The following SCEL variants were observed in gnomAD, a reference collection of about 807,000 sequenced individuals.
The protein encoded by SCEL is sciellin.
Under a neutral mutation model 117.6 loss-of-function variants are expected in SCEL, and 113 were observed. The observed-to-expected ratio is 0.96, with a 90% confidence interval of 0.83 to 1.12. The LOEUF is 1.12. SCEL is among the 50% of genes most tolerant of loss of function. The pLI, the probability that SCEL is intolerant of heterozygous loss-of-function variation, is 0.00. For synonymous variants in SCEL, 270 were observed against 256.2 expected (o/e 1.05, Z -0.51); for missense variants, 785 against 810.8 (o/e 0.97, Z 0.39).
intron 9 of SCEL, among the ~76,000 whole-genome samples, chr13:77,579,955 A>G (rs1272304099): frequency 6.6e-6 from 1 of 152,238 alleles, no homozygotes; most frequent in African/African-American, 2.4e-5. Context: ...TCCATGGGAC[A>G]TTCTCTGCAT....
chr13:77,547,941 C>G (rs535100563), intron 1 of SCEL, among the ~76,000 whole-genome samples: 1 of 152,280 alleles, frequency 6.6e-6, no homozygotes, highest in African/African-American at 2.4e-5. Flanking sequence ...CACTTTCTTT[C>G]CCTGGGACTT....
rs200836262 is a variant in SCEL, at chr13:77,556,626, G to A, written c.74G>A (p.Arg25Gln). The A allele has an allele frequency of 1.1e-5, 17 of 1,613,828 alleles. No individual in the cohort carries two copies. The Admixed American group carries it at 1.7e-4, about 16-fold the overall frequency. The change falls in exon 3 of 33, where the codon CGG becomes CAG. Residue 25 changes from arginine to glutamine, a missense_variant. By Grantham distance (43) the Arg-to-Gln change is conservative. Coordinates refer to ENST00000349847, the MANE Select transcript of SCEL (RefSeq NM_144777.3). ...AAGAGCACCACTCAGGGAACCACACGGAAGCAGCAGGATTTTCACGAGGTG... is the reference window on the plus strand; with the variant it reads ...AAGAGCACCACTCAGGGAACCACACAGAAGCAGCAGGATTTTCACGAGGTG... ...EMKSTTQGTT[R>Q]KQQDFHEVNK...
At position 77,599,729 on chromosome 13, in the gene SCEL, A is replaced by G; in HGVS notation, c.898A>G (p.Thr300Ala). The G allele has an allele frequency of 6.2e-7, 1 of 1,611,246 alleles. No homozygotes were observed. The highest frequency in any genetic ancestry group is 1.1e-5 in the South Asian group (1 of 91,024). The change falls in exon 15 of 33, where the codon ACA (threonine) becomes GCA (alanine). Residue 300 changes from threonine (T) to alanine (A), a missense_variant. Physicochemically the swap from Thr to Ala is moderately conservative, Grantham distance 58. Transcript: ENST00000349847. ...AAGTCTCATCTATATGAGTACCCGG[A>G]CAGATAAAGATGGCAAAGGGTAAGA... Reference protein sequence around the residue: ...LESLIYMSTRTDKDGKGIQSL... With the variant: ...LESLIYMSTRADKDGKGIQSL...
At chr13:77,545,718 G>A (rs1228852267) in intron 1 of SCEL, among the ~76,000 whole-genome samples, 1 of 152,214 alleles carries the variant, frequency 6.6e-6, no homozygotes, top group Non-Finnish European at 1.5e-5. Flanking sequence ...TGGGTGACAT[G>A]GACAATGGGT....
chr13:77,616,499 T>C (rs1416660860), intron 24 of SCEL, among the ~76,000 whole-genome samples: 3 of 152,046 alleles, frequency 2.0e-5, no homozygotes, highest in African/African-American at 7.2e-5. Context: ...TATTTATAGA[T>C]ATCAATTTAT....
At chr13:77,597,611 C>T (rs776347362) in intron 13 of SCEL, 22 bp downstream of exon 13, 5 of 1,325,438 alleles carry the variant, frequency 3.8e-6, no homozygotes, top group Non-Finnish European at 5.3e-6. Context: ...AAATGTTTAT[C>T]TTTTATTACT....
intron 27 of SCEL, among the ~76,000 whole-genome samples, chr13:77,623,937 G>T (rs1289587220): frequency 6.6e-6 from 1 of 152,082 alleles, no homozygotes; most frequent in Non-Finnish European, 1.5e-5. Context: ...AGACTGGGTG[G>T]CTTAAAGACA....
intron 27 of SCEL, 68 bp downstream of exon 27, chr13:77,618,128 GCCTCCCTGCCTC>G (rs2089196858): frequency 9.0e-7 from 1 of 1,108,648 alleles, no homozygotes; most frequent in East Asian, 2.3e-5. Context: ...CTCCCTCCTT[GCCTCCCTGCCTC>G]CCTCCCTTCC....
chr13:77,581,101 G>A (rs564384808), intron 9 of SCEL, among the ~76,000 whole-genome samples: 6 of 152,224 alleles, frequency 3.9e-5, no homozygotes, highest in Middle Eastern at 6.8e-3. Flanking sequence ...CTAAATAAAA[G>A]CAATACATCT....
intron 9 of SCEL, among the ~76,000 whole-genome samples, chr13:77,584,212 T>C (rs558632366): frequency 3.5e-4 from 53 of 152,294 alleles, no homozygotes; most frequent in Middle Eastern, 6.8e-3. Context: ...GCCTCGCTCT[T>C]GCATTTTAAT....
chr13:77,556,957 T>TTA (rs2084696248), intron 3 of SCEL, among the ~76,000 whole-genome samples: 1 of 152,208 alleles, frequency 6.6e-6, no homozygotes, highest in African/African-American at 2.4e-5. Context: ...GAGAGCCTGG[T>TTA]TATTACCTAG....
intron 1 of SCEL, among the ~76,000 whole-genome samples, chr13:77,536,875 A>G (rs1047642374): frequency 6.6e-6 from 1 of 152,232 alleles, no homozygotes; most frequent in Admixed American, 6.5e-5. Context: ...TCATTTCCCA[A>G]AGGTTTACAG....
intron 3 of SCEL, among the ~76,000 whole-genome samples, chr13:77,557,096 G>T (rs989139800): frequency 9.8e-5 from 15 of 152,304 alleles, no homozygotes; most frequent in South Asian, 6.2e-4. Context: ...TAAACAAAAA[G>T]AGTGTAATTC....
intron 24 of SCEL, among the ~76,000 whole-genome samples, chr13:77,615,246 T>G (rs1257216413): frequency 6.6e-6 from 1 of 151,986 alleles, no homozygotes; most frequent in African/African-American, 2.4e-5. Context: ...CATTTACAGA[T>G]GAGAATACTG....
At chr13:77,558,672 C>T (rs1338089349) in intron 3 of SCEL, among the ~76,000 whole-genome samples, 3 of 151,636 alleles carry the variant, frequency 2.0e-5, no homozygotes, top group African/African-American at 7.3e-5. Flanking sequence ...AAAAATTAGC[C>T]GGGCGTGTTG....
intron 11 of SCEL, among the ~76,000 whole-genome samples, chr13:77,593,130 T>G (rs1363189193): frequency 6.6e-6 from 1 of 152,128 alleles, no homozygotes; most frequent in African/African-American, 2.4e-5. Flanking sequence ...GTTAAATGGA[T>G]TTTGTTTTCT....
intron 15 of SCEL, chr13:77,599,995 G>A: frequency 2.1e-6 from 1 of 469,208 alleles, no homozygotes; most frequent in Non-Finnish European, 3.8e-6. Flanking sequence ...ATATGACCTA[G>A]ATGATCTCCC....
chr13:77,589,986 T>G (rs1336379304), intron 10 of SCEL, among the ~76,000 whole-genome samples: 1 of 152,156 alleles, frequency 6.6e-6, no homozygotes, highest in African/African-American at 2.4e-5. Flanking sequence ...GATTAAAAAA[T>G]AGTAACTCAA....
At chr13:77,564,027 G>T in intron 5 of SCEL, 128 bp downstream of exon 5, 1 of 610,598 alleles carries the variant, frequency 1.6e-6, no homozygotes, top group Non-Finnish European at 2.6e-6. Flanking sequence ...TCCCAGGGAT[G>T]GAGGGCTCTA....
Sources: gnomAD v4.1 joint callset for allele counts (sites outside exome capture counted in the v4.1 genomes callset) on GRCh38, gnomAD v4.1.1 for gene constraint, MANE v1.5 for transcripts, NCBI Gene and HGNC (gene_info 2026-07-23, HGNC 2026-07-21) for gene names.